INPP5F: variants seen among roughly 807,000 people sequenced by gnomAD.
INPP5F encodes the protein phosphatidylinositide 4-phosphatase SAC2.
A neutral mutation model predicts 137.2 loss-of-function variants in INPP5F; 97 were observed. The observed-to-expected ratio is 0.71, with a 90% CI of 0.60 to 0.84. The LOEUF (loss-of-function observed/expected upper bound fraction) is 0.84, where lower values mean the gene tolerates loss of function less well. INPP5F is among the 40% of genes least tolerant of loss of function. INPP5F has a pLI of 0.00. For synonymous variants in INPP5F, 504 were observed against 476.9 expected (o/e 1.06, Z -0.74); for missense variants, 1,271 against 1,371.9 (o/e 0.93, Z 1.16).
intron 1 of INPP5F, among the ~76,000 whole-genome samples, chr10:119,740,114 T>C (rs1160120641): frequency 6.6e-6 from 1 of 152,252 alleles, no homozygotes; most frequent in African/African-American, 2.4e-5. Flanking sequence ...TTTCTATTTA[T>C]ATTCTTCTGT....
intron 19 of INPP5F, chr10:119,825,846 T>G (rs1330377291): frequency 2.5e-6 from 1 of 397,104 alleles, no homozygotes; most frequent in African/African-American, 2.1e-5. Flanking sequence ...CCCATAATTT[T>G]TCTGCAGTAT....
intron 9 of INPP5F, among the ~76,000 whole-genome samples, chr10:119,803,721 A>G (rs1244660186): frequency 6.6e-6 from 1 of 152,216 alleles, no homozygotes; most frequent in Non-Finnish European, 1.5e-5. Context: ...AATCTTTACA[A>G]TATTGAATCT....
intron 1 of INPP5F, among the ~76,000 whole-genome samples, chr10:119,750,480 T>C (rs1195347692): frequency 6.6e-6 from 1 of 152,170 alleles, no homozygotes; most frequent in Non-Finnish European, 1.5e-5. Context: ...ATGGAAGAAG[T>C]GAGAAAACTG....
chr10:119,786,753 A>G (rs966268425), intron 3 of INPP5F, among the ~76,000 whole-genome samples: 1 of 151,950 alleles, frequency 6.6e-6, no homozygotes, highest in African/African-American at 2.4e-5. Flanking sequence ...ACCTGGGCTT[A>G]AGCAATCTGC....
At position 119,826,615 on chromosome 10, in the gene INPP5F, C is replaced by T. The variant is rs1318300759; in HGVS notation, c.2250-16C>T. The T allele has an allele frequency of 1.9e-6, 3 of 1,541,776 alleles. No homozygotes were observed. Among genetic ancestry groups the T allele is most frequent in the Admixed American group, 2.2e-5 (1 of 45,262 alleles). On this transcript the variant is annotated splice_polypyrimidine_tract_variant and intron_variant, in intron 19 of 19. Coordinates refer to ENST00000650623, the MANE Select transcript of INPP5F (RefSeq NM_014937.4). ...ATTCCATGGGGAATTAACTTTTTTT[C>T]TCTTCTAATTTGTAGGAAGAGCAGT...
At chr10:119,745,415 T>C (rs2134116407) in intron 1 of INPP5F, among the ~76,000 whole-genome samples, 1 of 152,102 alleles carries the variant, frequency 6.6e-6, no homozygotes, top group South Asian at 2.1e-4. Context: ...GCCAAGACTT[T>C]TGCAGTAACC....
At chr10:119,732,110 A>G (rs1355162704) in intron 1 of INPP5F, among the ~76,000 whole-genome samples, 1 of 147,446 alleles carries the variant, frequency 6.8e-6, no homozygotes, top group Non-Finnish European at 1.5e-5. Flanking sequence ...GCCCACTGCA[A>G]CTGCAACCTC....
At position 119,819,412 on chromosome 10, in the gene INPP5F, A is replaced by C. The variant is rs1473466659; in HGVS notation, c.1887-1434A>C. 7 of 1,469,238 alleles carry C rather than the reference A, an allele frequency of 4.8e-6. No homozygotes were observed. The African/African-American group carries it at 9.9e-5, about 21-fold the overall frequency. The allele number at this position is 1,469,238 out of a possible 1,614,324, so 91.0% of individuals were successfully genotyped here. ...TGGGGATCATGTTTGGCTGATGTAAATATTAATGCCAAAATAGGAGCTAGG... is the reference window on the plus strand; with the variant it reads ...TGGGGATCATGTTTGGCTGATGTAACTATTAATGCCAAAATAGGAGCTAGG... On this transcript the variant is annotated intron_variant, in intron 15 of 19. Coordinates refer to ENST00000650623, the MANE Select transcript of INPP5F (RefSeq NM_014937.4).
chr10:119,793,264 T>C (rs1405367864), intron 6 of INPP5F, among the ~76,000 whole-genome samples: 3 of 152,232 alleles, frequency 2.0e-5, no homozygotes, highest in Admixed American at 6.5e-5. Context: ...TCTATGCCTG[T>C]CAAGAGTTTT....
At chr10:119,765,643 A>G (rs533938705) in intron 2 of INPP5F, among the ~76,000 whole-genome samples, 132 of 149,862 alleles carry the variant, frequency 8.8e-4, no homozygotes, top group Admixed American at 1.7e-3. Flanking sequence ...CGGCCTCCCA[A>G]AGTGCTGGGA....
chr10:119,778,001 T>C (rs529876708), intron 2 of INPP5F, among the ~76,000 whole-genome samples: 1 of 152,068 alleles, frequency 6.6e-6, no homozygotes, highest in Admixed American at 6.6e-5. Context: ...CCTTTTTATT[T>C]TTATTATTTA....
chr10:119,730,297 A>G (rs988154742), intron 1 of INPP5F, among the ~76,000 whole-genome samples: 3 of 152,102 alleles, frequency 2.0e-5, no homozygotes, highest in African/African-American at 7.2e-5. Flanking sequence ...TTTACTAGAG[A>G]CAGGGTTTTG....
chr10:119,800,925 G>A (rs1027691396), intron 9 of INPP5F, among the ~76,000 whole-genome samples: 1 of 146,180 alleles, frequency 6.8e-6, no homozygotes, highest in African/African-American at 2.6e-5. Context: ...GCTCCAGCAG[G>A]TGACAGAGCA....
intron 1 of INPP5F, among the ~76,000 whole-genome samples, chr10:119,735,424 A>C (rs1441320197): frequency 1.3e-5 from 2 of 152,206 alleles, no homozygotes; most frequent in African/African-American, 4.8e-5. Context: ...CTGAATTTCA[A>C]ATTTTACAAT....
Position 119,754,801 on chromosome 10 carries a change from C to G in INPP5F, c.178+3645C>G, listed in dbSNP as rs1848790233. Among the ~76,000 whole-genome samples the G allele has an allele frequency of 3.3e-5, 5 of 152,018 alleles. No homozygotes were observed. In the South Asian group the frequency reaches 1.0e-3, roughly 32 times the overall value. ...TCTGTCCTCAGGGATGCCTCCTCCTCTCCTCTCCCTGCCCCCGATTAAAGC... is the reference window on the plus strand; with the variant it reads ...TCTGTCCTCAGGGATGCCTCCTCCTGTCCTCTCCCTGCCCCCGATTAAAGC... On this transcript the variant is annotated intron_variant, in intron 2 of 19. Coordinates refer to ENST00000650623, the MANE Select transcript of INPP5F (RefSeq NM_014937.4).
chr10:119,774,596 A>T (rs1376453463), intron 2 of INPP5F, among the ~76,000 whole-genome samples: 1 of 151,868 alleles, frequency 6.6e-6, no homozygotes, highest in Non-Finnish European at 1.5e-5. Context: ...GGCCTCCCAA[A>T]GTGCTGGAAG....
At chr10:119,820,997 A>C in intron 16 of INPP5F, 80 bp downstream of exon 16, 1 of 875,140 alleles carries the variant, frequency 1.1e-6, no homozygotes. Context: ...TCGTAACAAA[A>C]AAATGTGAGA....
At chr10:119,729,431 C>T (rs1206889176) in intron 1 of INPP5F, among the ~76,000 whole-genome samples, 1 of 152,096 alleles carries the variant, frequency 6.6e-6, no homozygotes, top group Non-Finnish European at 1.5e-5. Context: ...ATAGGCTTGA[C>T]CCACTGCGCC....
At chr10:119,782,156 TG>T (rs1692052968) in intron 3 of INPP5F, among the ~76,000 whole-genome samples, 1 of 152,238 alleles carries the variant, frequency 6.6e-6, no homozygotes, top group Admixed American at 6.5e-5. Flanking sequence ...CTCTTTTGTC[TG>T]CATTTCTTGA....
Sources: allele counts gnomAD v4.1 joint callset (sites outside exome capture counted in the v4.1 genomes callset), GRCh38; gene constraint gnomAD v4.1.1; transcripts MANE v1.5; gene names NCBI Gene and HGNC (gene_info 2026-07-23, HGNC 2026-07-21).